AKAP19: variants seen among roughly 807,000 people sequenced by gnomAD.
AKAP19 encodes the protein A-kinase anchoring protein 19.
At chr2:190,059,974 G>T in the AKAP19 span, 1 of 1,389,234 alleles carries the variant, frequency 7.2e-7, no homozygotes, top group Non-Finnish European at 1.0e-6. Flanking sequence ...TGAGCTTAGG[G>T]AATTTGTAGC....
the AKAP19 span, among the ~76,000 whole-genome samples, chr2:189,988,937 G>T: frequency 1.3e-5 from 2 of 152,154 alleles, no homozygotes; most frequent in East Asian, 3.8e-4. Flanking sequence ...ATATAGACAA[G>T]GCAGCAGTCT....
the AKAP19 span, among the ~76,000 whole-genome samples, chr2:189,892,925 C>T: frequency 7.2e-5 from 11 of 152,198 alleles, no homozygotes; most frequent in Non-Finnish European, 1.3e-4. Context: ...TTCAGAGATG[C>T]CCTGCCCAGA....
the AKAP19 span, among the ~76,000 whole-genome samples, chr2:189,997,360 T>G: frequency 2.0e-5 from 3 of 152,206 alleles, no homozygotes; most frequent in African/African-American, 7.2e-5. Context: ...AGTTTATGCC[T>G]TTTGTGATCA....
chr2:190,087,920 G>A, the AKAP19 span, among the ~76,000 whole-genome samples: 5 of 152,100 alleles, frequency 3.3e-5, no homozygotes, highest in African/African-American at 1.2e-4. Flanking sequence ...TAAAAGATAA[G>A]GAGTTTTAAA....
At chr2:190,200,857 AG>A in the AKAP19 span, 3 of 167,106 alleles carry the variant, frequency 1.8e-5, no homozygotes, top group Admixed American at 6.5e-5. Context: ...TAACTATACA[AG>A]AAAACAAGTA....
chr2:190,109,635 T>C, the AKAP19 span, among the ~76,000 whole-genome samples: 4 of 152,118 alleles, frequency 2.6e-5, no homozygotes, highest in Non-Finnish European at 5.9e-5. Flanking sequence ...AATCATCAAG[T>C]GCAGAGAGAA....
chr2:189,895,266 T>C, the AKAP19 span, among the ~76,000 whole-genome samples: 10 of 152,290 alleles, frequency 6.6e-5, no homozygotes, highest in Non-Finnish European at 1.5e-4. Context: ...ACTTGCATTT[T>C]ATAAGGTTCT....
chr2:190,056,288 C>T, the AKAP19 span: 1 of 152,412 alleles, frequency 6.6e-6, no homozygotes, highest in Non-Finnish European at 1.5e-5. Context: ...ATTTACAAAA[C>T]AATATTGTAT....
chr2:189,886,632 T>C, the AKAP19 span, among the ~76,000 whole-genome samples: 1 of 152,304 alleles, frequency 6.6e-6, no homozygotes, highest in Non-Finnish European at 1.5e-5. Flanking sequence ...ATAAACGTCA[T>C]ATCAGCAAGG....
chr2:190,062,398 C>G, the AKAP19 span: 1 of 1,613,324 alleles, frequency 6.2e-7, no homozygotes, highest in East Asian at 2.2e-5. Context: ...GGAGCTGTTT[C>G]CAGACGAAGT....
At chr2:190,032,233 AT>A in the AKAP19 span, among the ~76,000 whole-genome samples, 2 of 152,204 alleles carry the variant, frequency 1.3e-5, no homozygotes, top group African/African-American at 4.8e-5. Context: ...TTGTACTAGA[AT>A]TGACATAACT....
chr2:190,039,226 G>A, the AKAP19 span, among the ~76,000 whole-genome samples: 25 of 151,838 alleles, frequency 1.6e-4, no homozygotes, highest in African/African-American at 4.1e-4. Flanking sequence ...TTACAGGTGC[G>A]TGCCATCATG....
the AKAP19 span, among the ~76,000 whole-genome samples, chr2:190,011,910 T>C: frequency 6.6e-6 from 1 of 152,182 alleles, no homozygotes; most frequent in African/African-American, 2.4e-5. Flanking sequence ...CCTTGACTAT[T>C]CATAGTCTTT....
At chr2:190,125,579 G>T in the AKAP19 span, among the ~76,000 whole-genome samples, 1 of 152,172 alleles carries the variant, frequency 6.6e-6, no homozygotes, top group Non-Finnish European at 1.5e-5. Flanking sequence ...TGCTGGAATA[G>T]TGAATTGTCT....
the AKAP19 span, among the ~76,000 whole-genome samples, chr2:189,881,143 ATGACT>A: frequency 0.012 from 1,893 of 152,340 alleles, 36 homozygotes; most frequent in African/African-American, 0.04. Context: ...CAAATGAAAA[ATGACT>A]TGAGATTGTC....
At chr2:190,049,315 A>G in the AKAP19 span, among the ~76,000 whole-genome samples, 1 of 152,076 alleles carries the variant, frequency 6.6e-6, no homozygotes, top group South Asian at 2.1e-4. Flanking sequence ...CTTACTTAAA[A>G]TAAGAGAAAT....
At chr2:190,121,269 C>T in the AKAP19 span, among the ~76,000 whole-genome samples, 1 of 152,000 alleles carries the variant, frequency 6.6e-6, no homozygotes, top group African/African-American at 2.4e-5. Context: ...TGTGCCACCA[C>T]ACCCAGCTAA....
chr2:189,981,657 G>A, the AKAP19 span, among the ~76,000 whole-genome samples: 28 of 152,218 alleles, frequency 1.8e-4, no homozygotes, highest in Admixed American at 1.8e-3. Flanking sequence ...TCATTTCCAT[G>A]GTTAGAACTA....
chr2:189,917,086 C>T, the AKAP19 span, among the ~76,000 whole-genome samples: 13 of 152,192 alleles, frequency 8.5e-5, no homozygotes, highest in East Asian at 2.5e-3. Flanking sequence ...ATAATGATAA[C>T]ATATACTGTA....
Sources: allele counts gnomAD v4.1 joint callset (sites outside exome capture counted in the v4.1 genomes callset), GRCh38; gene constraint gnomAD v4.1.1; transcripts MANE v1.5; gene names NCBI Gene and HGNC (gene_info 2026-07-23, HGNC 2026-07-21).